Variants in NLRC4 observed in about 807,000 individuals in gnomAD.
NLRC4 encodes NLR family CARD domain-containing protein 4.
A neutral mutation model predicts 79.9 loss-of-function variants in NLRC4; 63 were observed. The ratio of observed to expected loss-of-function variants is 0.79; its 90% CI spans 0.64 to 0.97. The LOEUF (loss-of-function observed/expected upper bound fraction) is 0.97, where lower values mean the gene tolerates loss of function less well. Among genes scored for constraint, NLRC4 ranks in the 50% least tolerant of loss-of-function variants. The pLI is 0.00. For missense variants in NLRC4, 1,074 were observed against 1,215.2 expected, an observed-to-expected ratio of 0.88 and a Z score of 1.73; for synonymous variants, 461 against 456.5, an observed-to-expected ratio of 1.01 and a Z score of -0.12.
chr2:32,260,449 T>A (rs1162840352), intron 1 of NLRC4, among the ~76,000 whole-genome samples: 1 of 152,174 alleles, frequency 6.6e-6, no homozygotes, highest in Non-Finnish European at 1.5e-5. Flanking sequence ...TTAAACTAGA[T>A]GCTCACAGCC....
At position 32,246,209 on chromosome 2, in the gene NLRC4, A is replaced by C. The variant is rs182154372; in HGVS notation, c.2257+3398T>G. Among the ~76,000 whole-genome samples, 59 of 152,322 alleles carry C rather than the reference A, an allele frequency of 3.9e-4. 2 individuals are homozygous for C. The East Asian group carries it at 0.011, about 29-fold the overall frequency. ...AAAAAAATAATAATTAAATAAAGTA[A>C]ATACTTTTTTTAAATGGCAAACATT... On this transcript the variant is annotated intron_variant, in intron 4 of 8. Transcript: ENST00000402280.
At position 32,256,867 on chromosome 2, in the gene NLRC4, C is replaced by CTT; in HGVS notation, c.-94_-93dup. ...TCAAAGGTGATCCCAATATTGTCCT[C>CTT]TTTTTTCTGTAAAACTACTCTTCAT... On this transcript the variant is annotated 5_prime_UTR_variant, in exon 2 of 9. An upstream open reading frame in the 5' UTR loses its in-frame stop. Transcript: ENST00000402280. The CTT allele has an allele frequency of 1.4e-6, 1 of 739,766 alleles. No individual in the cohort carries two copies. Among genetic ancestry groups the CTT allele is most frequent in the Non-Finnish European group, 2.5e-6 (1 of 397,072 alleles). 45.8% of individuals were successfully genotyped at this position (739,766 alleles called of 1,614,324 possible).
chr2:32,244,067 T>C (rs1686872494), intron 4 of NLRC4, among the ~76,000 whole-genome samples: 2 of 152,028 alleles, frequency 1.3e-5, no homozygotes, highest in Admixed American at 6.6e-5. Flanking sequence ...CTGGGCAACA[T>C]AGCGAGAACT....
chr2:32,255,089 T>C (rs1687174726), intron 2 of NLRC4, among the ~76,000 whole-genome samples: 1 of 151,930 alleles, frequency 6.6e-6, no homozygotes, highest in Non-Finnish European at 1.5e-5. Context: ...TCAGCTAGAA[T>C]ATTCCCTGTC....
chr2:32,238,255 G>A lies in NLRC4; in HGVS notation c.2398C>T (p.His800Tyr), dbSNP rs752701700. The A allele has an allele frequency of 2.5e-6, 4 of 1,612,132 alleles. No homozygotes were observed. The South Asian group carries it at 3.3e-5, about 13-fold the overall frequency. The change falls in exon 6 of 9, where the codon CAC (histidine) becomes TAC (tyrosine). Residue 800 changes from histidine to tyrosine, a missense_variant. By Grantham distance (83) the His-to-Tyr change is moderately conservative (BLOSUM62 2). Coordinates refer to ENST00000402280, the MANE Select transcript of NLRC4 (RefSeq NM_001199138.2). Reference protein sequence around the residue: ...LKKMCLFHLTHLSDIGEGMDY... With the variant: ...LKKMCLFHLTYLSDIGEGMDY... ...ATTCCCTCTCCAATGTCAGACAAGTGGGTCAAATGAAATAAACACATCTTC... is the reference window on the plus strand; with the variant it reads ...ATTCCCTCTCCAATGTCAGACAAGTAGGTCAAATGAAATAAACACATCTTC...
Position 32,251,576 on chromosome 2 carries a change from TC to T in NLRC4, c.287del (p.Gly96GlufsTer10). 6.2e-7 allele frequency: 1 copy of T among 1,604,712 alleles called. No homozygotes were observed. The highest frequency in any genetic ancestry group is 8.5e-7 in the Non-Finnish European group (1 of 1,175,608). ...AATCCTGAGCCAAATCGTCCAAGTC[TC>T]CTTCTGATGTCTGATGAAAAAGACC... The part of the protein sequence containing the change: ...GQSLFHQTSE[G>X]DLDDLAQDLK... On this transcript the variant is annotated frameshift_variant, in exon 4 of 9. Coordinates refer to ENST00000402280, the MANE Select transcript of NLRC4 (RefSeq NM_001199138.2). LOFTEE classifies it high-confidence loss of function.
rs745846903 is a variant in NLRC4 at position 32,235,467 on chromosome 2, C to T, written c.2716G>A (p.Val906Ile). ...LSSLLKHLEEVPQLVKLGLKN... is the reference protein window; with the variant it reads ...LSSLLKHLEEIPQLVKLGLKN... ...AACCCAAGCTTGACGAGTTGTGGGA[C>T]CTCCTCCAAATGTTTCAACAGGCTG... The change falls in exon 8 of 9, where the codon GTC (valine) becomes ATC (isoleucine). Residue 906 changes from valine to isoleucine, a missense_variant. Coordinates refer to ENST00000402280, the MANE Select transcript of NLRC4 (RefSeq NM_001199138.2). 1.9e-6 allele frequency: 3 copies of T among 1,614,134 alleles called. No homozygotes were observed. In the East Asian group the frequency reaches 6.7e-5, roughly 36 times the overall value.
intron 1 of NLRC4, among the ~76,000 whole-genome samples, chr2:32,260,546 A>G (rs1250976676): frequency 1.3e-5 from 2 of 152,208 alleles, no homozygotes; most frequent in Non-Finnish European, 1.5e-5. Context: ...TCATTCAAAA[A>G]GCCCCCAAAT....
chr2:32,256,327 T>A (rs1344070804), intron 2 of NLRC4, among the ~76,000 whole-genome samples: 1 of 152,052 alleles, frequency 6.6e-6, no homozygotes, highest in Non-Finnish European at 1.5e-5. Flanking sequence ...GCAACTGAAG[T>A]TTACATTTTA....
In NLRC4 at chr2:32,241,472, G is replaced by A. The variant is rs369196427; in HGVS notation, c.2258-347C>T. ...GCTCACTGCCAGCTCCACCTCCCGG[G>A]TTCACACCATTCTCCTGCCTCAGCC... On this transcript the variant is annotated intron_variant, in intron 4 of 8. Transcript: ENST00000402280. 6.8e-5 allele frequency among the ~76,000 whole-genome samples: 10 copies of A among 147,574 alleles called. No individual in the cohort carries two copies. The South Asian group carries it at 2.1e-3, about 31-fold the overall frequency.
intron 1 of NLRC4, among the ~76,000 whole-genome samples, chr2:32,258,976 A>G (rs1687273084): frequency 1.3e-5 from 2 of 152,196 alleles, no homozygotes. Context: ...GAAGAGAACT[A>G]GAATCACTGG....
At position 32,259,262 on chromosome 2, in the gene NLRC4, ATTT is replaced by A. The variant is rs57570626; in HGVS notation, c.-118-2372_-118-2370del. On this transcript the variant is annotated intron_variant, in intron 1 of 8. Coordinates refer to ENST00000402280, the MANE Select transcript of NLRC4 (RefSeq NM_001199138.2). ...AGGTGTGTGCCACCATGCCTGGCTA[ATTT>A]TTTTTTTTTTTTTTTTTTTTTTTTT... Among the ~76,000 whole-genome samples, 53 of 52,896 alleles carry A rather than the reference ATTT, an allele frequency of 1.0e-3. 3 individuals are homozygous for A. Among genetic ancestry groups the A allele is most frequent in the African/African-American group, 3.6e-3 (38 of 10,700 alleles). 34.7% of individuals were successfully genotyped at this position (52,896 alleles called of 152,430 possible).
In NLRC4 at chr2:32,224,753, C is replaced by A; in HGVS notation, c.2795G>T (p.Gly932Val). ...TEIRILGAFF[G>V]KNPLKNFQQL... is the part of the protein sequence containing the mutation. ...CTGGAAGTTTTTCAGAGGGTTCTTTCCAAAAAATGCACCTGGGTAAAGAAA... is the reference window on the plus strand; with the variant it reads ...CTGGAAGTTTTTCAGAGGGTTCTTTACAAAAAATGCACCTGGGTAAAGAAA... Residue 932 changes from glycine (G) to valine (V), a missense_variant, in exon 9 of 9, where the codon GGA becomes GTA. Gly to Val is a moderately radical substitution (Grantham distance 109). Coordinates refer to ENST00000402280, the MANE Select transcript of NLRC4 (RefSeq NM_001199138.2). 6.4e-7 allele frequency: 1 copy of A among 1,564,074 alleles called. No individual in the cohort carries two copies. The highest frequency in any genetic ancestry group is 2.0e-5 in the Admixed American group (1 of 50,198).
chr2:32,233,349 A>ATATATATATATATAT (rs1418146489), intron 8 of NLRC4, among the ~76,000 whole-genome samples: 21 of 41,100 alleles, frequency 5.1e-4, no homozygotes, highest in Non-Finnish European at 7.5e-4. Context: ...ATATATATAT[A>ATATATATATATATAT]TTTTTTTTTT....
intron 2 of NLRC4, among the ~76,000 whole-genome samples, chr2:32,256,538 A>G (rs565441623): frequency 6.6e-6 from 1 of 152,330 alleles, no homozygotes; most frequent in South Asian, 2.1e-4. Context: ...ATGAGAACTA[A>G]CAGTTTAAAA....
intron 4 of NLRC4, 52 bp from the exon 5 acceptor site, chr2:32,241,177 A>G (rs1558451503): frequency 3.7e-6 from 4 of 1,093,230 alleles, no homozygotes; most frequent in Non-Finnish European, 4.2e-6. Flanking sequence ...GCTATTTACT[A>G]TGTCATTTAC....
intron 8 of NLRC4, among the ~76,000 whole-genome samples, chr2:32,230,471 AT>A (rs58666767): frequency 1.6e-3 from 202 of 126,622 alleles, no homozygotes; most frequent in Admixed American, 1.7e-3. Flanking sequence ...AGCCCCCGCT[AT>A]TTTTTTTTTT....
chr2:32,260,231 A>AAAAC, intron 1 of NLRC4, among the ~76,000 whole-genome samples: 1 of 151,146 alleles, frequency 6.6e-6, no homozygotes, highest in Non-Finnish European at 1.5e-5. Context: ...AAAAAAAAAA[A>AAAAC]AACAACGAAA....
chr2:32,226,159 C>T (rs758237778), intron 8 of NLRC4, among the ~76,000 whole-genome samples: 1 of 152,104 alleles, frequency 6.6e-6, no homozygotes, highest in Non-Finnish European at 1.5e-5. Flanking sequence ...CAGTCTTGTC[C>T]GACCAGCTTA....
Sources: allele counts gnomAD v4.1 joint callset (sites outside exome capture counted in the v4.1 genomes callset), GRCh38; gene constraint gnomAD v4.1.1; transcripts MANE v1.5; gene names NCBI Gene and HGNC (gene_info 2026-07-23, HGNC 2026-07-21).